PRPSAP2: variants seen among roughly 807,000 people sequenced by gnomAD.
PRPSAP2 encodes phosphoribosyl pyrophosphate synthetase associated protein 2, also known as phosphoribosyl pyrophosphate synthase-associated protein 2.
A neutral mutation model predicts 40.6 loss-of-function variants in PRPSAP2; 24 were observed. The observed-to-expected ratio is 0.59, with a 90% CI of 0.43 to 0.83. PRPSAP2 has a LOEUF of 0.83. Among genes scored for constraint, PRPSAP2 ranks in the 40% least tolerant of loss-of-function variants. The probability of loss-of-function intolerance (pLI) is 0.00; values close to 1 mark genes in which losing one functional copy is unlikely to be tolerated. For missense variants in PRPSAP2, 292 were observed against 465.6 expected (o/e 0.63, Z 3.43); for synonymous variants, 149 against 164.7 (o/e 0.90, Z 0.73).
At chr17:18,881,687 G>A (rs1334057906) in intron 6 of PRPSAP2, among the ~76,000 whole-genome samples, 2 of 151,774 alleles carry the variant, frequency 1.3e-5, no homozygotes, top group African/African-American at 2.4e-5. Context: ...ACAGATGTGC[G>A]CCACCATGCC....
intron 6 of PRPSAP2, among the ~76,000 whole-genome samples, chr17:18,881,428 A>C (rs1435197709): frequency 7.3e-6 from 1 of 136,160 alleles, no homozygotes; most frequent in Non-Finnish European, 1.6e-5. Context: ...AGTAGAGATG[A>C]GGTTTCGCCA....
chr17:18,880,801 T>G (rs1334172307), intron 6 of PRPSAP2, among the ~76,000 whole-genome samples: 1 of 152,160 alleles, frequency 6.6e-6, no homozygotes, highest in African/African-American at 2.4e-5. Flanking sequence ...CTCTTCTGTA[T>G]TACTGTTATC....
rs1453985277 is a variant in PRPSAP2, at chr17:18,911,454, G to T, written c.733+203G>T. Among the ~76,000 whole-genome samples, 1 of 152,018 alleles carries T rather than the reference G, an allele frequency of 6.6e-6. No homozygotes were observed. Among genetic ancestry groups the T allele is most frequent in the Non-Finnish European group, 1.5e-5 (1 of 68,032 alleles). On this transcript the variant is annotated intron_variant, in intron 9 of 11. Coordinates refer to ENST00000268835, the MANE Select transcript of PRPSAP2 (RefSeq NM_002767.4). The surrounding 1 kb of genome is among the most constrained non-coding windows in gnomAD (Gnocchi z 4.5). ...GTTTAGAAGCAGTCTGTCCTTCTTTGCAAGACCTGTGAAAATGTTTGGACT... is the reference window on the plus strand; with the variant it reads ...GTTTAGAAGCAGTCTGTCCTTCTTTTCAAGACCTGTGAAAATGTTTGGACT...
intron 1 of PRPSAP2, among the ~76,000 whole-genome samples, chr17:18,862,274 G>C (rs2037082112): frequency 6.6e-6 from 1 of 152,218 alleles, no homozygotes; most frequent in Non-Finnish European, 1.5e-5. Flanking sequence ...CTTCTGTTGA[G>C]TGGTTCCTTG....
rs201959233 is a variant in PRPSAP2 at position 18,911,160 on chromosome 17, G to T, written c.642G>T (p.Ala214=). The T allele has an allele frequency of 2.5e-6, 4 of 1,613,932 alleles. No homozygotes were observed. Among genetic ancestry groups the T allele is most frequent in the South Asian group, 1.1e-5 (1 of 91,054 alleles). ...RLGIAVIHGE[A]QDAESDLVDG... ...GAATTGCAGTGATTCATGGAGAGGC[G>T]CAGGATGCCGAGTCGGACTTGGTGG... Residue 214 remains alanine (A), a synonymous_variant, in exon 9 of 12, where the codon GCG becomes GCT. Coordinates refer to ENST00000268835, the MANE Select transcript of PRPSAP2 (RefSeq NM_002767.4). The surrounding 1 kb of genome is among the most constrained non-coding windows in gnomAD (Gnocchi z 4.5).
At chr17:18,897,453 G>GTTGT (rs1555555755) in intron 8 of PRPSAP2, among the ~76,000 whole-genome samples, 1,722 of 150,580 alleles carry the variant, frequency 0.011, 27 homozygotes, top group African/African-American at 0.033. Flanking sequence ...CTCTATAGTG[G>GTTGT]TGTTGTTGTT....
At chr17:18,865,117 T>C (rs2037339924) in intron 1 of PRPSAP2, among the ~76,000 whole-genome samples, 1 of 152,204 alleles carries the variant, frequency 6.6e-6, no homozygotes, top group Non-Finnish European at 1.5e-5. Context: ...AGTGCTAGGA[T>C]TACAGGCGTG....
intron 8 of PRPSAP2, among the ~76,000 whole-genome samples, chr17:18,902,792 C>T (rs912526501): frequency 6.2e-5 from 9 of 145,562 alleles, no homozygotes; most frequent in African/African-American, 2.3e-4. Context: ...TTGCTTGAAC[C>T]TGGGAGGCAG....
At chr17:18,866,169 A>G (rs1342556243) in intron 3 of PRPSAP2, among the ~76,000 whole-genome samples, 2 of 151,950 alleles carry the variant, frequency 1.3e-5, no homozygotes, top group Non-Finnish European at 2.9e-5. Context: ...TTTGTAAACT[A>G]TCCCATCTCC....
intron 8 of PRPSAP2, among the ~76,000 whole-genome samples, chr17:18,898,850 C>T (rs138246809): frequency 1.2e-3 from 188 of 151,830 alleles, no homozygotes; most frequent in Middle Eastern, 0.01. Context: ...CGTCTTTCTC[C>T]TCTTTTTCTG....
intron 10 of PRPSAP2, 177 bp from the exon 11 acceptor site, chr17:18,928,634 T>C (rs1164474014): frequency 1.7e-5 from 12 of 712,104 alleles, no homozygotes; most frequent in Admixed American, 2.1e-5. Context: ...GTGAAAGTAC[T>C]GGAGGGCTGC....
rs912343820 is a variant in PRPSAP2 at position 18,882,033 on chromosome 17, G to C, written c.413-535G>C. Reference sequence around the variant, plus strand: ...TTTTTGTATTTTTAGTAAAGATGGGGTTTCATCATATTGGTCAGGCTGGCG... The same window carrying C: ...TTTTTGTATTTTTAGTAAAGATGGGCTTTCATCATATTGGTCAGGCTGGCG... On this transcript the variant is annotated intron_variant, in intron 6 of 11. Transcript: ENST00000268835. Among the ~76,000 whole-genome samples the C allele has an allele frequency of 4.7e-5, 7 of 147,498 alleles. 1 individual carries two copies. In the South Asian group the frequency reaches 1.5e-3, roughly 32 times the overall value.
chr17:18,878,007 A>G (rs2038425467), intron 6 of PRPSAP2, 137 bp downstream of exon 6: 10 of 916,078 alleles, frequency 1.1e-5, no homozygotes, highest in East Asian at 2.6e-5. Context: ...CTGCAACTTG[A>G]ACTCCTACAG....
At chr17:18,921,861 A>T (rs149182428) in intron 9 of PRPSAP2, among the ~76,000 whole-genome samples, 15 of 152,316 alleles carry the variant, frequency 9.8e-5, no homozygotes, top group African/African-American at 3.4e-4. Flanking sequence ...TAACCATTTT[A>T]AAGTATAAAA....
intron 9 of PRPSAP2, among the ~76,000 whole-genome samples, chr17:18,912,117 GGTT>G (rs1321493120): frequency 6.6e-6 from 1 of 151,786 alleles, no homozygotes; most frequent in African/African-American, 2.4e-5. Flanking sequence ...GGGAGACAGA[GGTT>G]GTGGTGAGCC....
At chr17:18,889,334 G>C (rs2039388201) in intron 7 of PRPSAP2, among the ~76,000 whole-genome samples, 1 of 152,160 alleles carries the variant, frequency 6.6e-6, no homozygotes, top group African/African-American at 2.4e-5. Context: ...AAAGCAATGA[G>C]AATATAGTTA....
chr17:18,921,015 C>A (rs1471815729), intron 9 of PRPSAP2, among the ~76,000 whole-genome samples: 1 of 151,866 alleles, frequency 6.6e-6, no homozygotes, highest in Non-Finnish European at 1.5e-5. Context: ...TTCTTTGAGA[C>A]TGGGTCTCAC....
At chr17:18,895,956 A>G (rs2039884735) in intron 8 of PRPSAP2, among the ~76,000 whole-genome samples, 1 of 151,938 alleles carries the variant, frequency 6.6e-6, no homozygotes, top group African/African-American at 2.4e-5. Context: ...AAGAATACAG[A>G]AACAAGATCT....
intron 6 of PRPSAP2, 93 bp downstream of exon 6, chr17:18,877,963 C>T: frequency 4.4e-6 from 6 of 1,351,346 alleles, no homozygotes; most frequent in Non-Finnish European, 6.1e-6. Context: ...GCCCTGTCAC[C>T]TAGGCTGGAG....
Sources: allele counts gnomAD v4.1 joint callset (sites outside exome capture counted in the v4.1 genomes callset), GRCh38; gene constraint gnomAD v4.1.1; non-coding constraint Gnocchi (gnomAD v3.1); transcripts MANE v1.5; gene names NCBI Gene and HGNC (gene_info 2026-07-23, HGNC 2026-07-21).